Variants in CCDC14 observed in about 807,000 individuals in gnomAD.
CCDC14 encodes the protein coiled-coil domain containing 14.
In CCDC14, 71 loss-of-function variants were observed where a neutral mutation model predicts 81.4. The observed-to-expected ratio is 0.87, with a 90% confidence interval of 0.72 to 1.06. The LOEUF (loss-of-function observed/expected upper bound fraction) is 1.06. Among genes scored for constraint, CCDC14 ranks in the 50% least tolerant of loss-of-function variants. The pLI is 0.00. For missense variants in CCDC14, 1,046 were observed against 1,047.3 expected (o/e 1.00, Z 0.02); for synonymous variants, 332 against 364.8 (o/e 0.91, Z 1.03).
the CCDC14 span, among the ~76,000 whole-genome samples, chr3:123,886,310 TTTTTG>T: frequency 5.1e-4 from 77 of 152,160 alleles, no homozygotes; most frequent in African/African-American, 1.7e-3. Context: ...AGCTCTAGTT[TTTTTG>T]TTTTTTCTTT....
rs2034616901 is a variant in CCDC14 at position 123,915,451 on chromosome 3, G to C, written c.2046C>G (p.Ser682=). The change falls in exon 13 of 13, where the codon TCC becomes TCG. Residue 682 remains serine, a synonymous_variant. Transcript: ENST00000409697. The part of the protein sequence containing the change: ...PDKTYENVLS[S]RGPQNSNTRG... ...TAGTGTTACTATTTTGAGGGCCTCT[G>C]GAGGACAGAACATTTTCATAGGTTT... 1 of 1,613,956 alleles carries C rather than the reference G, an allele frequency of 6.2e-7. No individual in the cohort carries two copies.
At chr3:123,910,933 G>A (rs1401538780), downstream of CCDC14, among the ~76,000 whole-genome samples, 1 of 152,162 alleles carries the variant, frequency 6.6e-6, no homozygotes, top group East Asian at 1.9e-4. Context: ...AGAGTAGAGG[G>A]TAGGAAAGAC....
chr3:123,918,594 A>T (rs1198600794), intron 12 of CCDC14, among the ~76,000 whole-genome samples: 1 of 152,198 alleles, frequency 6.6e-6, no homozygotes, highest in African/African-American at 2.4e-5. Flanking sequence ...TTTCCAAGCC[A>T]GTTAAGTACC....
chr3:123,934,270 C>CAAAAAAAAAAAAAAAAAAA (rs61094944), intron 9 of CCDC14, among the ~76,000 whole-genome samples: 13 of 52,290 alleles, frequency 2.5e-4, no homozygotes, highest in African/African-American at 1.1e-3. Context: ...GACTCTGCCT[C>CAAAAAAAAAAAAAAAAAAA]AAAAAAAAAA....
downstream of CCDC14, among the ~76,000 whole-genome samples, chr3:123,911,014 G>C (rs1320594950): frequency 3.3e-5 from 5 of 152,146 alleles, no homozygotes; most frequent in Non-Finnish European, 5.9e-5. Context: ...TGGATTTCAA[G>C]AATAAATAAA....
rs192648777 is a variant in CCDC14, at chr3:123,950,942, A to T, written c.353-1810T>A. Among the ~76,000 whole-genome samples the T allele has an allele frequency of 2.6e-4, 40 of 152,266 alleles. No individual in the cohort carries two copies. The East Asian group carries it at 7.3e-3, about 28-fold the overall frequency. On this transcript the variant is annotated intron_variant, in intron 5 of 12. Coordinates refer to ENST00000409697, the MANE Select transcript of CCDC14 (RefSeq NM_001366335.1). ...GCAGATTTAATACTATAACCAGTGA[A>T]AATAGAAAAAAAATTTAAAGAAAAA...
At chr3:123,893,125 A>G (rs867058696), downstream of CCDC14, among the ~76,000 whole-genome samples, 12 of 152,178 alleles carry the variant, frequency 7.9e-5, no homozygotes, top group African/African-American at 2.7e-4. Context: ...TTTTTAAAGT[A>G]TACAATTTAG....
At chr3:123,952,242 C>T (rs1385805962) in intron 5 of CCDC14, among the ~76,000 whole-genome samples, 2 of 152,124 alleles carry the variant, frequency 1.3e-5, no homozygotes, top group African/African-American at 4.8e-5. Context: ...CACTGTCTGA[C>T]AGGAAGTTAT....
rs1432028248 is a variant in CCDC14 at position 123,931,189 on chromosome 3, A to G, written c.1691T>C (p.Leu564Ser). ...CTGGTTTTCCTTTTCAGCAGTTTCT[A>G]ACTTAAACTGGGAGCTTTTCACATT... ...LVNVKSSQFK[L>S]ETAEKENQIL... Residue 564 changes from leucine (L) to serine (S), a missense_variant, in exon 12 of 13, where the codon TTA becomes TCA. Coordinates refer to ENST00000409697, the MANE Select transcript of CCDC14 (RefSeq NM_001366335.1). 8.1e-6 allele frequency: 13 copies of G among 1,612,732 alleles called. No homozygotes were observed. Among genetic ancestry groups the G allele is most frequent in the Non-Finnish European group, 1.1e-5 (13 of 1,179,568 alleles).
the CCDC14 span, among the ~76,000 whole-genome samples, chr3:123,891,247 G>A: frequency 6.6e-6 from 1 of 152,184 alleles, no homozygotes; most frequent in African/African-American, 2.4e-5. Flanking sequence ...GACATGGCCT[G>A]GAGACATTTT....
Position 123,961,137 on chromosome 3 carries a change from C to A in CCDC14, c.30+7G>T. 6.4e-7 allele frequency: 1 copy of A among 1,551,078 alleles called. No homozygotes were observed. The highest frequency in any genetic ancestry group is 8.7e-7 in the Non-Finnish European group (1 of 1,146,724). ...CACAGCGGACTCCTCAGGTCCTCAG[C>A]CCTCACCTGGCCCGGTCGAGCTCCA... On this transcript the variant is annotated splice_region_variant and intron_variant, in intron 1 of 12. Coordinates refer to ENST00000409697, the MANE Select transcript of CCDC14 (RefSeq NM_001366335.1).
intron 5 of CCDC14, among the ~76,000 whole-genome samples, chr3:123,952,196 AC>A (rs2037060766): frequency 6.6e-6 from 1 of 152,130 alleles, no homozygotes; most frequent in Non-Finnish European, 1.5e-5. Flanking sequence ...AGTCCACAAA[AC>A]TTTTTCAGTC....
rs756104684 is a variant in CCDC14, at chr3:123,931,386, T to A, written c.1567A>T (p.Ser523Cys). The change falls in exon 11 of 13, where the codon AGT becomes TGT. Residue 523 changes from serine (S) to cysteine (C), a missense_variant. Transcript: ENST00000409697. ...NQKDENKKFS[S>C]IFKDKDQTIL... ...GTTTGATCTTTGTCTTTAAATATAC[T>A]ACTAAATTTTTTGTTTTCATCTTTC... is the stretch of plus-strand genomic sequence containing the variant. 3 of 1,523,424 alleles carry A rather than the reference T, an allele frequency of 2.0e-6. No individual in the cohort carries two copies. Among genetic ancestry groups the A allele is most frequent in the Non-Finnish European group, 2.7e-6 (3 of 1,121,432 alleles). 94.4% of individuals were successfully genotyped at this position (1,523,424 alleles called of 1,614,324 possible).
chr3:123,918,600 G>A (rs1224597963), intron 12 of CCDC14, among the ~76,000 whole-genome samples: 1 of 152,164 alleles, frequency 6.6e-6, no homozygotes, highest in Non-Finnish European at 1.5e-5. Flanking sequence ...AGCCAGTTAA[G>A]TACCACACAG....
intron 9 of CCDC14, among the ~76,000 whole-genome samples, chr3:123,941,455 T>C (rs1051633867): frequency 6.6e-6 from 1 of 151,962 alleles, no homozygotes; most frequent in African/African-American, 2.4e-5. Context: ...TCTTTAAAAA[T>C]TGAAAATGAT....
the CCDC14 span, among the ~76,000 whole-genome samples, chr3:123,887,482 A>ACAAC: frequency 0.18 from 4,996 of 28,522 alleles, 284 homozygotes; most frequent in African/African-American, 0.33. Context: ...AACAACAACA[A>ACAAC]AAAAAAAAAA....
In CCDC14 at chr3:123,915,089, A is replaced by G. The variant is rs753692100; in HGVS notation, c.2408T>C (p.Met803Thr). The G allele has an allele frequency of 9.9e-6, 16 of 1,613,994 alleles. No individual in the cohort carries two copies. Among genetic ancestry groups the G allele is most frequent in the Non-Finnish European group, 1.3e-5 (15 of 1,179,900 alleles). The change falls in exon 13 of 13, where the codon ATG becomes ACG. Residue 803 changes from methionine to threonine, a missense_variant. Met to Thr is a moderately conservative substitution (Grantham distance 81). Transcript: ENST00000409697. The stretch of plus-strand genomic sequence containing the variant: ...TTTCTTGAGGAGCTGTGTGTCCTTC[A>G]TATCAGATGCTCTGGAAAGTTTTTC... ...APEKLSRASD[M>T]KDTQLLKKIK... is the part of the protein sequence containing the mutation.
chr3:123,930,105 TAAATA>T (rs1338984743), intron 12 of CCDC14, among the ~76,000 whole-genome samples: 1 of 152,204 alleles, frequency 6.6e-6, no homozygotes, highest in Non-Finnish European at 1.5e-5. Flanking sequence ...TTGCCATTGT[TAAATA>T]AAAGTTTGAA....
Position 123,913,847 on chromosome 3 carries a change from C to G in CCDC14, c.*932G>C. On this transcript the variant is annotated 3_prime_UTR_variant, in exon 13 of 13. Coordinates refer to ENST00000409697, the MANE Select transcript of CCDC14 (RefSeq NM_001366335.1). ...TCAGCTTCCTAAGAGTTAAAACGTG[C>G]TGCTTACATGAAGGGAGATGATACT... 4.1e-6 allele frequency: 4 copies of G among 985,258 alleles called. No homozygotes were observed. The highest frequency in any genetic ancestry group is 4.8e-6 in the Non-Finnish European group (4 of 829,894). 61.0% of individuals were successfully genotyped at this position (985,258 alleles called of 1,614,324 possible). A position where few individuals can be genotyped will look rare whatever the true frequency, so the allele number is the denominator to read the frequency against.
Sources: allele counts gnomAD v4.1 joint callset (sites outside exome capture counted in the v4.1 genomes callset), GRCh38; gene constraint gnomAD v4.1.1; transcripts MANE v1.5; gene names NCBI Gene and HGNC (gene_info 2026-07-23, HGNC 2026-07-21).